Variants in MYO16 observed in about 807,000 individuals in gnomAD.
MYO16 encodes myosin XVI.
MYO16 carries 94 observed loss-of-function variants against 205.3 expected under a neutral mutation model. That is an observed-to-expected ratio of 0.46 (90% confidence interval 0.39 to 0.54). The LOEUF is 0.54. Among genes scored for constraint, MYO16 ranks in the 20% least tolerant of loss-of-function variants. MYO16 has a pLI of 0.00. For synonymous variants in MYO16, 988 were observed against 954.0 expected, an observed-to-expected ratio of 1.04 and a Z score of -0.66; for missense variants, 2,315 against 2,387.5, an observed-to-expected ratio of 0.97 and a Z score of 0.63.
chr13:109,084,725 C>T (rs1159813485), intron 27 of MYO16, among the ~76,000 whole-genome samples: 2 of 151,802 alleles, frequency 1.3e-5, no homozygotes, highest in East Asian at 3.9e-4. Context: ...TTTCTCCTTC[C>T]TTCCCTTCCT....
chr13:109,203,981 A>G (rs936874037), intron 34 of MYO16, among the ~76,000 whole-genome samples: 1 of 152,190 alleles, frequency 6.6e-6, no homozygotes, highest in African/African-American at 2.4e-5. Flanking sequence ...TTCCTTCCAG[A>G]AAAAACTCTC....
intron 2 of MYO16, among the ~76,000 whole-genome samples, chr13:108,671,633 A>G (rs1881991977): frequency 6.6e-6 from 1 of 152,202 alleles, no homozygotes; most frequent in Non-Finnish European, 1.5e-5. Flanking sequence ...AAATTAAAAT[A>G]TTTGGCTCTA....
chr13:108,880,241 C>A (rs1207341764), intron 12 of MYO16, among the ~76,000 whole-genome samples: 5 of 152,094 alleles, frequency 3.3e-5, no homozygotes, highest in Non-Finnish European at 5.9e-5. Context: ...TGTTTGAATT[C>A]TTTGTAGATT....
At chr13:109,066,188 A>G in intron 27 of MYO16, among the ~76,000 whole-genome samples, 1 of 152,212 alleles carries the variant, frequency 6.6e-6, no homozygotes, top group Non-Finnish European at 1.5e-5. Flanking sequence ...TGGCTACCCA[A>G]TGAGGCAGAC....
chr13:108,516,383 C>G, the MYO16 span, among the ~76,000 whole-genome samples: 1 of 151,942 alleles, frequency 6.6e-6, no homozygotes, highest in African/African-American at 2.4e-5. Context: ...TCTGGCACTC[C>G]CTAGTGAGAT....
chr13:108,998,848 A>C (rs1324415815), intron 21 of MYO16, among the ~76,000 whole-genome samples: 1 of 152,126 alleles, frequency 6.6e-6, no homozygotes, highest in Admixed American at 6.5e-5. Context: ...TTCTATGTAC[A>C]TGCTAGTTGG....
intron 31 of MYO16, among the ~76,000 whole-genome samples, chr13:109,130,867 T>C (rs1350627475): frequency 6.6e-6 from 1 of 152,192 alleles, no homozygotes; most frequent in Non-Finnish European, 1.5e-5. Context: ...TTAGAGTAAA[T>C]AAAATTAAAT....
intron 2 of MYO16, among the ~76,000 whole-genome samples, chr13:108,685,170 A>G (rs765817098): frequency 4.0e-5 from 6 of 151,820 alleles, no homozygotes; most frequent in Non-Finnish European, 8.8e-5. Context: ...CTACAGGCGC[A>G]TGCCACCATG....
the MYO16 span, among the ~76,000 whole-genome samples, chr13:108,548,473 CGAT>C: frequency 1.4e-4 from 21 of 145,494 alleles, no homozygotes; most frequent in Non-Finnish European, 2.3e-4. Flanking sequence ...GTGGTGAAGA[CGAT>C]GATGATGCTG....
rs1206300849 is a variant in MYO16 at position 109,140,131 on chromosome 13, A to G, written c.4052-133A>G. 19 of 1,422,002 alleles carry G rather than the reference A, an allele frequency of 1.3e-5. No individual in the cohort carries two copies. Among genetic ancestry groups the G allele is most frequent in the Non-Finnish European group, 1.7e-5 (19 of 1,089,218 alleles). The allele number at this position is 1,422,002 out of a possible 1,614,324, so 88.1% of individuals were successfully genotyped here. A position where few individuals can be genotyped will look rare whatever the true frequency, so the allele number is the denominator to read the frequency against. Reference sequence around the variant, plus strand: ...TTCAGCCAGGGAGCCTAGTGGGTGGAGGAACATGCAGGCCCGGTCCCTTGG... The same window carrying G: ...TTCAGCCAGGGAGCCTAGTGGGTGGGGGAACATGCAGGCCCGGTCCCTTGG... On this transcript the variant is annotated intron_variant, in intron 31 of 34. Coordinates refer to ENST00000457511, the MANE Select transcript of MYO16 (RefSeq NM_001198950.3). This position sits in a 1 kb window ranked among gnomAD's most constrained non-coding sequence, Gnocchi z 8.0.
At chr13:108,981,112 A>G (rs1332124503) in intron 20 of MYO16, among the ~76,000 whole-genome samples, 1 of 152,256 alleles carries the variant, frequency 6.6e-6, no homozygotes, top group African/African-American at 2.4e-5. Context: ...CCTTTAAAAT[A>G]TAGGTAATTT....
chr13:109,154,634 A>G (rs1288573119), intron 32 of MYO16, among the ~76,000 whole-genome samples: 5 of 151,938 alleles, frequency 3.3e-5, no homozygotes, highest in Admixed American at 2.6e-4. Context: ...AACACTCCCA[A>G]CAGAAGAGCA....
chr13:108,613,242 A>G (rs1339700987), intron 1 of MYO16, among the ~76,000 whole-genome samples: 1 of 152,194 alleles, frequency 6.6e-6, no homozygotes, highest in Non-Finnish European at 1.5e-5. Flanking sequence ...GGAAATCTAC[A>G]TAATCTTTCT....
At position 108,804,426 on chromosome 13, in the gene MYO16, A is replaced by G. The variant is rs563151329; in HGVS notation, c.742-2253A>G. 1.6e-3 allele frequency among the ~76,000 whole-genome samples: 243 copies of G among 152,344 alleles called. 1 individual carries two copies. The highest frequency in any genetic ancestry group is 2.6e-3 in the Non-Finnish European group (175 of 68,030). On this transcript the variant is annotated intron_variant, in intron 6 of 34. Coordinates refer to ENST00000457511, the MANE Select transcript of MYO16 (RefSeq NM_001198950.3). ...ACACCACAGGGATCAACACTGTTGC[A>G]GTTGGGCACCTGATATCCTCTAGTC...
chr13:108,815,786 T>C (rs1875550945), intron 7 of MYO16, among the ~76,000 whole-genome samples: 1 of 152,172 alleles, frequency 6.6e-6, no homozygotes, highest in South Asian at 2.1e-4. Flanking sequence ...ATTGGAAAAT[T>C]CATCCTAAAA....
intron 19 of MYO16, among the ~76,000 whole-genome samples, chr13:108,963,339 C>T (rs1486548633): frequency 2.0e-5 from 3 of 152,162 alleles, no homozygotes; most frequent in Non-Finnish European, 2.9e-5. Flanking sequence ...TATCCCCAAA[C>T]GTAATGAATC....
At chr13:109,195,587 A>G (rs1197224312) in intron 34 of MYO16, among the ~76,000 whole-genome samples, 2 of 152,164 alleles carry the variant, frequency 1.3e-5, no homozygotes, top group Non-Finnish European at 2.9e-5. Context: ...AGCTCCAAGT[A>G]GAAATGCGAT....
In MYO16 at chr13:109,145,920, G is replaced by A. The variant is rs115199354; in HGVS notation, c.5164+4544G>A. Among the ~76,000 whole-genome samples, 1,399 of 152,272 alleles carry A rather than the reference G, an allele frequency of 9.2e-3. 17 individuals are homozygous for A. The highest frequency in any genetic ancestry group is 0.032 in the African/African-American group (1,332 of 41,554). On this transcript the variant is annotated intron_variant, in intron 32 of 34. Coordinates refer to ENST00000457511, the MANE Select transcript of MYO16 (RefSeq NM_001198950.3). The stretch of plus-strand genomic sequence containing the variant: ...GAAGAAAGTGGAAGACAGCCAGGCC[G>A]AATTAACGAAAATCAGACTCAAAAT...
rs759752486 is a variant in MYO16 at position 108,957,731 on chromosome 13, C to T, written c.1969C>T (p.Arg657Cys). The change falls in exon 17 of 35, where the codon CGT (arginine) becomes TGT (cysteine). Residue 657 changes from arginine to cysteine, a missense_variant. This residue lies in a region of MYO16 where 1,213 missense variants were observed against 1,274.4 expected (regional missense o/e 0.95). Coordinates refer to ENST00000457511, the MANE Select transcript of MYO16 (RefSeq NM_001198950.3). The stretch of plus-strand genomic sequence containing the variant: ...ACAGGATGATGCATCCACAGGGGAG[C>T]GTTCTCTGAACAGGGAGAAATTGGC... ...TIQDDASTGE[R>C]SLNREKLAVL... 18 of 1,613,194 alleles carry T rather than the reference C, an allele frequency of 1.1e-5. No homozygotes were observed. The highest frequency in any genetic ancestry group is 1.6e-4 in the Middle Eastern group (1 of 6,078).
Sources: gnomAD v4.1 joint callset for allele counts (sites outside exome capture counted in the v4.1 genomes callset) on GRCh38, gnomAD v4.1.1 for gene constraint, gnomAD v4.1.1 regional missense constraint, Gnocchi (gnomAD v3.1) non-coding constraint, MANE v1.5 for transcripts, NCBI Gene and HGNC (gene_info 2026-07-23, HGNC 2026-07-21) for gene names.